KPNA7: variants seen among roughly 807,000 people sequenced by gnomAD.
KPNA7 encodes the protein importin subunit alpha-8.
Under a neutral mutation model 53.7 loss-of-function variants are expected in KPNA7, and 54 were observed. That is an observed-to-expected ratio of 1.01 (90% confidence interval 0.81 to 1.26). KPNA7 has a LOEUF of 1.26. Ranked by LOEUF, KPNA7 falls within the 50% of genes most tolerant of loss-of-function variation. The pLI, the probability that KPNA7 is intolerant of heterozygous loss-of-function variation, is 0.00. For missense variants in KPNA7, 640 were observed against 644.5 expected (o/e 0.99, Z 0.07); for synonymous variants, 276 against 259.3 (o/e 1.06, Z -0.62).
upstream of KPNA7, among the ~76,000 whole-genome samples, chr7:99,212,909 A>G (rs1297096828): frequency 6.6e-6 from 1 of 152,020 alleles, no homozygotes; most frequent in African/African-American, 2.4e-5. Flanking sequence ...AAAAAAGAAA[A>G]GAAAAAATCA....
chr7:99,202,747 A>T (rs1308388965), intron 3 of KPNA7, among the ~76,000 whole-genome samples: 1 of 152,106 alleles, frequency 6.6e-6, no homozygotes, highest in Non-Finnish European at 1.5e-5. Flanking sequence ...CTGGAAGCTG[A>T]GGCAGGAGGT....
chr7:99,163,990 A>G, the KPNA7 span, among the ~76,000 whole-genome samples: 1,752 of 151,950 alleles, frequency 0.012, 33 homozygotes, highest in African/African-American at 0.041. Context: ...AGGAAACAAT[A>G]GGTGCTAGAG....
At chr7:99,206,583 C>T (rs1050384835) in intron 2 of KPNA7, among the ~76,000 whole-genome samples, 2 of 152,180 alleles carry the variant, frequency 1.3e-5, no homozygotes, top group East Asian at 1.9e-4. Flanking sequence ...ATCCTCCTGC[C>T]TCAGCCACCA....
chr7:99,197,190 T>C (rs1021206103), intron 3 of KPNA7, among the ~76,000 whole-genome samples: 1 of 152,178 alleles, frequency 6.6e-6, no homozygotes, highest in African/African-American at 2.4e-5. Flanking sequence ...TTGGCAAAAA[T>C]TGAGTGTTCT....
chr7:99,160,017 G>GTTTTTTTTTTTTT, the KPNA7 span, among the ~76,000 whole-genome samples: 15 of 67,634 alleles, frequency 2.2e-4, 2 homozygotes, highest in South Asian at 5.9e-4. Flanking sequence ...TGTTGTTTTT[G>GTTTTTTTTTTTTT]TTTTTTTTTT....
chr7:99,211,873 C>A (rs1791080012), upstream of KPNA7, among the ~76,000 whole-genome samples: 1 of 152,136 alleles, frequency 6.6e-6, no homozygotes, highest in Non-Finnish European at 1.5e-5. Flanking sequence ...TGGAATTGAC[C>A]AATCTCTCCC....
chr7:99,216,779 C>T (rs1202669959), intron 1 of KPNA7, among the ~76,000 whole-genome samples: 2 of 152,180 alleles, frequency 1.3e-5, no homozygotes, highest in Non-Finnish European at 2.9e-5. Flanking sequence ...CCAGGCTGGT[C>T]TCGAACTCCT....
chr7:99,201,936 G>T (rs1790560153), intron 3 of KPNA7, among the ~76,000 whole-genome samples: 1 of 151,990 alleles, frequency 6.6e-6, no homozygotes. Flanking sequence ...TCGAACTCCT[G>T]ACCTCAGGTG....
At chr7:99,157,630 C>T in the KPNA7 span, among the ~76,000 whole-genome samples, 2 of 152,322 alleles carry the variant, frequency 1.3e-5, no homozygotes, top group Non-Finnish European at 2.9e-5. Flanking sequence ...TTCTTCTATA[C>T]ATCTGTGTAT....
At chr7:99,200,219 G>A (rs13244327) in intron 3 of KPNA7, among the ~76,000 whole-genome samples, 15,289 of 151,980 alleles carry the variant, frequency 0.1, 884 homozygotes, top group South Asian at 0.15. Flanking sequence ...CGTATTTTTC[G>A]TAGAGACGCG....
At chr7:99,192,997 A>T (rs1584292623) in intron 6 of KPNA7, 22 bp downstream of exon 6, 23 of 1,418,224 alleles carry the variant, frequency 1.6e-5, no homozygotes, top group Non-Finnish European at 2.0e-5. Context: ...AAAAAAAAAA[A>T]GAGAAAGAAA....
Position 99,193,006 on chromosome 7 carries a change from A to G in KPNA7, c.636+13T>C. On this transcript the variant is annotated intron_variant, in intron 6 of 10. Transcript: ENST00000327442. ...ATTTAAAAAAAAAAAAAGAGAAAGA[A>G]AAAGACACTTACCGGCAGGGTGGGT... 6.7e-7 allele frequency: 1 copy of G among 1,484,854 alleles called. No homozygotes were observed. The highest frequency in any genetic ancestry group is 9.0e-7 in the Non-Finnish European group (1 of 1,115,920). 92.0% of individuals were successfully genotyped at this position (1,484,854 alleles called of 1,614,324 possible).
At chr7:99,188,683 T>A in intron 6 of KPNA7, 120 bp from the exon 7 acceptor site, 1 of 1,093,142 alleles carries the variant, frequency 9.1e-7, no homozygotes, top group South Asian at 1.7e-5. Flanking sequence ...TTTTTAAAAT[T>A]TTATTTATTA....
At chr7:99,164,364 C>A in the KPNA7 span, among the ~76,000 whole-genome samples, 1 of 151,942 alleles carries the variant, frequency 6.6e-6, no homozygotes, top group East Asian at 1.9e-4. Flanking sequence ...TAGAAACCAT[C>A]ATTCTCAGCA....
chr7:99,180,675 GTC>G lies in KPNA7; in HGVS notation c.1317+1206_1317+1207del, dbSNP rs375730832. On this transcript the variant is annotated intron_variant, in intron 9 of 10. Transcript: ENST00000327442. ...TCTCTCTCTCCCCATCTGTGTGTGT[GTC>G]TCTCTCCCCGTCTGTGTCTCTGTCT... Among the ~76,000 whole-genome samples the G allele has an allele frequency of 5.5e-4, 61 of 110,142 alleles. 6 individuals carry two copies. The highest frequency in any genetic ancestry group is 1.6e-3 in the African/African-American group (51 of 32,368). The allele number at this position is 110,142 out of a possible 152,430, so 72.3% of individuals were successfully genotyped here.
the KPNA7 span, among the ~76,000 whole-genome samples, chr7:99,147,536 A>G: frequency 1.3e-5 from 2 of 152,272 alleles, no homozygotes; most frequent in African/African-American, 4.8e-5. Context: ...CACGCCTGTA[A>G]TCCCAGCATT....
chr7:99,201,457 G>T (rs1790529261), intron 3 of KPNA7, among the ~76,000 whole-genome samples: 1 of 151,906 alleles, frequency 6.6e-6, no homozygotes, highest in South Asian at 2.1e-4. Context: ...AGGTCAGGAG[G>T]TTGAGACCAT....
intron 10 of KPNA7, 149 bp downstream of exon 10, chr7:99,177,771 C>T (rs1024779019): frequency 1.4e-6 from 1 of 708,432 alleles, no homozygotes; most frequent in Non-Finnish European, 2.3e-6. Flanking sequence ...ATAGGCGAGA[C>T]ACATTAACTT....
chr7:99,166,012 C>G, the KPNA7 span, among the ~76,000 whole-genome samples: 1 of 151,896 alleles, frequency 6.6e-6, no homozygotes, highest in Non-Finnish European at 1.5e-5. Context: ...CAGCACCTCC[C>G]CCTTCTCTCT....
Sources: gnomAD v4.1 joint callset for allele counts (sites outside exome capture counted in the v4.1 genomes callset) on GRCh38, gnomAD v4.1.1 for gene constraint, MANE v1.5 for transcripts, NCBI Gene and HGNC (gene_info 2026-07-23, HGNC 2026-07-21) for gene names.